Variants in DIS3L2 observed in about 807,000 individuals in gnomAD.
DIS3L2 encodes DIS3 like 3'-5' exoribonuclease 2, also known as DIS3-like exonuclease 2.
Under a neutral mutation model 97.5 loss-of-function variants are expected in DIS3L2, and 34 were observed. That is an observed-to-expected ratio of 0.35 (90% CI 0.27 to 0.46). DIS3L2 has a LOEUF of 0.46. Among genes scored for constraint, DIS3L2 ranks in the 20% least tolerant of loss-of-function variants. The pLI is 1.00. For missense variants in DIS3L2, 1,038 were observed against 1,146.0 expected, an observed-to-expected ratio of 0.91 and a Z score of 1.36; for synonymous variants, 435 against 445.2, an observed-to-expected ratio of 0.98 and a Z score of 0.29.
intron 5 of DIS3L2, among the ~76,000 whole-genome samples, chr2:232,041,366 G>C (rs780610605): frequency 2.2e-4 from 33 of 152,174 alleles, no homozygotes; most frequent in Non-Finnish European, 4.9e-4. Flanking sequence ...TGTCATATAG[G>C]AGGAAGGGGG....
intron 9 of DIS3L2, 89 bp downstream of exon 9, chr2:232,163,721 C>T (rs751309083): frequency 7.1e-5 from 100 of 1,418,016 alleles, no homozygotes; most frequent in Admixed American, 1.0e-4. Context: ...CATCTTTCCA[C>T]GAACATTCAA....
intron 13 of DIS3L2, chr2:232,343,310 G>T: frequency 6.5e-7 from 1 of 1,536,814 alleles, no homozygotes. Flanking sequence ...ATGAAACCGC[G>T]CCTCCTCATC....
intron 14 of DIS3L2, among the ~76,000 whole-genome samples, chr2:232,311,298 C>G (rs952916774): frequency 1.3e-5 from 2 of 152,216 alleles, no homozygotes; most frequent in Non-Finnish European, 2.9e-5. Flanking sequence ...AGTGCACATA[C>G]TGGAAAATAG....
At chr2:232,307,253 T>C (rs1695009705) in intron 14 of DIS3L2, among the ~76,000 whole-genome samples, 1 of 152,214 alleles carries the variant, frequency 6.6e-6, no homozygotes, top group South Asian at 2.1e-4. Context: ...CAAATAATGC[T>C]TGATGAAGGG....
intron 8 of DIS3L2, among the ~76,000 whole-genome samples, chr2:232,148,822 AT>A (rs1462848495): frequency 2.2e-4 from 33 of 148,950 alleles, no homozygotes; most frequent in African/African-American, 4.7e-4. Flanking sequence ...TTCCAAAAAA[AT>A]AATTTCTTTC....
chr2:232,194,597 C>T (rs546534407), intron 9 of DIS3L2, among the ~76,000 whole-genome samples: 4 of 152,268 alleles, frequency 2.6e-5, no homozygotes, highest in Non-Finnish European at 4.4e-5. Context: ...TGTAATTGTA[C>T]GTTCTAAGAA....
At chr2:232,110,045 C>T (rs56125801) in intron 6 of DIS3L2, among the ~76,000 whole-genome samples, 1,718 of 152,180 alleles carry the variant, frequency 0.011, 18 homozygotes, top group Non-Finnish European at 0.016. Context: ...AGGCAAAGGA[C>T]GTGAACAGAC....
chr2:232,243,144 G>A (rs768456357), intron 11 of DIS3L2, among the ~76,000 whole-genome samples: 6 of 152,204 alleles, frequency 3.9e-5, no homozygotes, highest in Non-Finnish European at 7.3e-5. Context: ...CAAGGTCCAA[G>A]AAGGCTTCAC....
intron 12 of DIS3L2, among the ~76,000 whole-genome samples, chr2:232,251,023 G>A (rs898041121): frequency 3.3e-5 from 5 of 152,168 alleles, no homozygotes; most frequent in South Asian, 2.1e-4. Context: ...GAGACAACCC[G>A]AGGGAAGCTT....
chr2:232,083,520 A>C (rs951869008), intron 5 of DIS3L2, among the ~76,000 whole-genome samples: 1 of 147,362 alleles, frequency 6.8e-6, no homozygotes, highest in Admixed American at 6.8e-5. Flanking sequence ...TTTGAGACAG[A>C]GTCTCACTCT....
chr2:232,322,531 C>G (rs1174497414), intron 14 of DIS3L2, among the ~76,000 whole-genome samples: 6 of 152,228 alleles, frequency 3.9e-5, no homozygotes, highest in Non-Finnish European at 7.3e-5. Context: ...AGTGCAGAGA[C>G]CACTCTACGC....
chr2:232,343,160 C>A, intron 13 of DIS3L2: 1 of 631,826 alleles, frequency 1.6e-6, no homozygotes, highest in South Asian at 2.0e-5. Context: ...ATCATCAAAG[C>A]AGACTGTTGA....
At chr2:232,068,715 T>C (rs1347638346) in intron 5 of DIS3L2, among the ~76,000 whole-genome samples, 2 of 152,156 alleles carry the variant, frequency 1.3e-5, no homozygotes, top group African/African-American at 4.8e-5. Context: ...TCCGGAATTA[T>C]GGCTGTTATA....
intron 5 of DIS3L2, among the ~76,000 whole-genome samples, chr2:232,036,544 G>A (rs184671266): frequency 1.2e-3 from 179 of 152,252 alleles, no homozygotes; most frequent in Non-Finnish European, 2.0e-3. Context: ...CTCATTCTCC[G>A]TCCAGTTTTG....
At chr2:232,315,652 C>A (rs1695251759) in intron 14 of DIS3L2, among the ~76,000 whole-genome samples, 1 of 152,142 alleles carries the variant, frequency 6.6e-6, no homozygotes, top group African/African-American at 2.4e-5. Flanking sequence ...GGCTATAAAT[C>A]GCCTAGTGGC....
At chr2:232,033,241 A>G (rs1035339154) in intron 5 of DIS3L2, among the ~76,000 whole-genome samples, 11 of 152,078 alleles carry the variant, frequency 7.2e-5, no homozygotes, top group Non-Finnish European at 1.3e-4. Flanking sequence ...CTTTGTAGCA[A>G]TTGTGAATGG....
At chr2:232,168,693 C>G (rs1447539262) in intron 9 of DIS3L2, among the ~76,000 whole-genome samples, 2 of 151,954 alleles carry the variant, frequency 1.3e-5, no homozygotes, top group Non-Finnish European at 2.9e-5. Context: ...CCACCTGACC[C>G]ACACATAGTG....
chr2:232,320,501 C>T (rs929821985), intron 14 of DIS3L2, among the ~76,000 whole-genome samples: 8 of 152,224 alleles, frequency 5.3e-5, no homozygotes, highest in African/African-American at 1.9e-4. Context: ...TAACCATATA[C>T]AGGCAGTAAG....
At chr2:232,238,751 A>G in intron 11 of DIS3L2, 106 bp downstream of exon 11, 1 of 1,024,144 alleles carries the variant, frequency 9.8e-7, no homozygotes. Flanking sequence ...AAGAGAAGCC[A>G]AAGGAAGACA....
Sources: gnomAD v4.1 joint callset for allele counts (sites outside exome capture counted in the v4.1 genomes callset) on GRCh38, gnomAD v4.1.1 for gene constraint, MANE v1.5 for transcripts, NCBI Gene and HGNC (gene_info 2026-07-23, HGNC 2026-07-21) for gene names.